The following DLGAP1 variants were observed in gnomAD, a reference collection of about 807,000 sequenced individuals.
DLGAP1 encodes disks large-associated protein 1.
DLGAP1 carries 11 observed loss-of-function variants against 90.8 expected under a neutral mutation model. That is an observed-to-expected ratio of 0.12 (90% CI 0.08 to 0.20). The LOEUF is 0.20. DLGAP1 is among the 10% of genes least tolerant of loss of function. The probability of loss-of-function intolerance (pLI) is 1.00; values close to 1 mark genes in which losing one functional copy is unlikely to be tolerated. For synonymous variants in DLGAP1, 558 were observed against 540.7 expected (o/e 1.03, Z -0.44); for missense variants, 1,050 against 1,333.8 (o/e 0.79, Z 3.31).
intron 1 of DLGAP1, among the ~76,000 whole-genome samples, chr18:4,199,969 T>G (rs1021070720): frequency 6.6e-6 from 1 of 152,198 alleles, no homozygotes; most frequent in African/African-American, 2.4e-5. Flanking sequence ...AATCATGGTC[T>G]CATCATCCAA....
chr18:3,684,282 C>A (rs766317725), intron 7 of DLGAP1, among the ~76,000 whole-genome samples: 1 of 151,208 alleles, frequency 6.6e-6, no homozygotes, highest in African/African-American at 2.4e-5. Context: ...CTCATCCTCT[C>A]GGGCTCAAGC....
chr18:4,283,047 A>T (rs1377608463), intron 1 of DLGAP1, among the ~76,000 whole-genome samples: 1 of 152,230 alleles, frequency 6.6e-6, no homozygotes, highest in Non-Finnish European at 1.5e-5. Flanking sequence ...TGAATGGGAC[A>T]GGCTATAAGA....
chr18:3,672,467 C>CTCTGGAGG (rs780178650), intron 7 of DLGAP1, among the ~76,000 whole-genome samples: 67 of 150,112 alleles, frequency 4.5e-4, no homozygotes, highest in Non-Finnish European at 6.9e-4. Context: ...ATCCCAGGTA[C>CTCTGGAGG]TCTGGAGGCT....
chr18:4,006,828 T>G (rs2074311967), intron 2 of DLGAP1, among the ~76,000 whole-genome samples: 1 of 152,082 alleles, frequency 6.6e-6, no homozygotes, highest in Non-Finnish European at 1.5e-5. Context: ...AAAATTTTTC[T>G]GTAGATACAA....
At chr18:4,388,777 G>A (rs192576411) in intron 1 of DLGAP1, among the ~76,000 whole-genome samples, 5 of 152,098 alleles carry the variant, frequency 3.3e-5, no homozygotes, top group South Asian at 2.1e-4. Flanking sequence ...TCTCATATAC[G>A]TATCAGGAAA....
intron 2 of DLGAP1, among the ~76,000 whole-genome samples, chr18:4,011,148 C>A (rs1238272393): frequency 6.9e-6 from 1 of 144,150 alleles, no homozygotes; most frequent in African/African-American, 2.6e-5. Context: ...TGCACTCTAG[C>A]CTGGGAGACA....
intron 1 of DLGAP1, among the ~76,000 whole-genome samples, chr18:4,374,903 T>C (rs1022560375): frequency 6.6e-6 from 1 of 152,004 alleles, no homozygotes; most frequent in Non-Finnish European, 1.5e-5. Context: ...ATCTACTAGA[T>C]TGGAAATAAA....
Position 4,035,907 on chromosome 18 carries a change from C to T in DLGAP1, c.-158-30706G>A, listed in dbSNP as rs367978150. ...TAATCAGTCTAATTTTGGTGACATT[C>T]GATTCAATATTTACGATTTATGTCT... On this transcript the variant is annotated intron_variant, in intron 2 of 12. Transcript: ENST00000315677. Among the ~76,000 whole-genome samples, 12 of 152,006 alleles carry T rather than the reference C, an allele frequency of 7.9e-5. 1 individual carries two copies. Among genetic ancestry groups the T allele is most frequent in the Admixed American group, 1.3e-4 (2 of 15,290 alleles).
chr18:4,023,658 C>T (rs1278080496), intron 2 of DLGAP1, among the ~76,000 whole-genome samples: 1 of 152,022 alleles, frequency 6.6e-6, no homozygotes, highest in Non-Finnish European at 1.5e-5. Context: ...CTTGCTAGAA[C>T]AAAATGTGTT....
intron 1 of DLGAP1, among the ~76,000 whole-genome samples, chr18:4,358,738 G>A (rs1279501356): frequency 6.6e-6 from 1 of 152,232 alleles, no homozygotes; most frequent in African/African-American, 2.4e-5. Flanking sequence ...CAGGGCTCCT[G>A]TCTGCTTTGG....
intron 1 of DLGAP1, among the ~76,000 whole-genome samples, chr18:4,250,877 G>A (rs1293579263): frequency 6.6e-6 from 1 of 151,712 alleles, no homozygotes; most frequent in Non-Finnish European, 1.5e-5. Context: ...TATGAATTTA[G>A]GAAGAATATA....
At chr18:4,358,970 T>A (rs549323527) in intron 1 of DLGAP1, among the ~76,000 whole-genome samples, 1 of 152,352 alleles carries the variant, frequency 6.6e-6, no homozygotes, top group African/African-American at 2.4e-5. Context: ...TCTACTGCTT[T>A]AAAATGCTGG....
At chr18:4,188,596 G>A (rs957720678) in intron 1 of DLGAP1, among the ~76,000 whole-genome samples, 8 of 152,138 alleles carry the variant, frequency 5.3e-5, no homozygotes, top group Non-Finnish European at 1.5e-5. Flanking sequence ...TTAGCTTGCT[G>A]AGGGTGATGG....
intron 7 of DLGAP1, among the ~76,000 whole-genome samples, chr18:3,648,012 G>A (rs189576429): frequency 7.5e-4 from 114 of 152,248 alleles, no homozygotes; most frequent in Non-Finnish European, 1.2e-3. Context: ...GGATATAGAA[G>A]GCTAAAAAGG....
chr18:4,109,033 G>T (rs971687894), intron 2 of DLGAP1, among the ~76,000 whole-genome samples: 1 of 152,186 alleles, frequency 6.6e-6, no homozygotes, highest in East Asian at 1.9e-4. Context: ...CTAAATGGGA[G>T]TGAGTTACTT....
chr18:3,719,525 C>G (rs993551353), intron 7 of DLGAP1, among the ~76,000 whole-genome samples: 2 of 144,024 alleles, frequency 1.4e-5, no homozygotes, highest in Admixed American at 1.4e-4. Context: ...CCACTGCACT[C>G]CAGCCTGGGC....
intron 3 of DLGAP1, among the ~76,000 whole-genome samples, chr18:3,980,530 G>A (rs1318055246): frequency 6.6e-6 from 1 of 152,092 alleles, no homozygotes; most frequent in Admixed American, 6.6e-5. Context: ...CAAAAGGAAG[G>A]GCATCTCCTA....
chr18:3,572,956 T>C (rs1461927721), intron 8 of DLGAP1, among the ~76,000 whole-genome samples: 1 of 152,150 alleles, frequency 6.6e-6, no homozygotes, highest in African/African-American at 2.4e-5. Flanking sequence ...ACAGGAAATA[T>C]GCTGACACGA....
intron 10 of DLGAP1, among the ~76,000 whole-genome samples, chr18:3,521,578 T>G (rs1181148655): frequency 6.6e-6 from 1 of 152,172 alleles, no homozygotes; most frequent in Non-Finnish European, 1.5e-5. Context: ...AAAGTCCTCA[T>G]CCTTATGATT....
Sources: gnomAD v4.1 joint callset for allele counts (sites outside exome capture counted in the v4.1 genomes callset) on GRCh38, gnomAD v4.1.1 for gene constraint, MANE v1.5 for transcripts, NCBI Gene and HGNC (gene_info 2026-07-23, HGNC 2026-07-21) for gene names.